GSDMD: variants seen among roughly 807,000 people sequenced by gnomAD.
GSDMD encodes the protein gasdermin-D.
GSDMD carries 46 observed loss-of-function variants against 46.7 expected under a neutral mutation model. The observed-to-expected ratio is 0.99, with a 90% CI of 0.78 to 1.26. The LOEUF (loss-of-function observed/expected upper bound fraction) is 1.26, where lower values mean the gene tolerates loss of function less well. Ranked by LOEUF, GSDMD falls within the 50% of genes most tolerant of loss-of-function variation. GSDMD has a pLI of 0.00. For synonymous variants in GSDMD, 307 were observed against 283.1 expected (o/e 1.08, Z -0.85); for missense variants, 649 against 638.8 (o/e 1.02, Z -0.17).
upstream of GSDMD, chr8:143,558,218 A>G (rs889327971): frequency 1.7e-6 from 2 of 1,153,352 alleles, no homozygotes; most frequent in African/African-American, 3.3e-5. Context: ...CGCCAAGCCA[A>G]GGTTCCTCCG....
rs1160600857 is a variant in GSDMD at position 143,561,533 on chromosome 8, C to A, written c.736+110C>A. The A allele has an allele frequency of 4.3e-6, 5 of 1,174,092 alleles. No homozygotes were observed. In the African/African-American group the frequency reaches 7.6e-5, roughly 18 times the overall value. The allele number at this position is 1,174,092 out of a possible 1,614,324, so 72.7% of individuals were successfully genotyped here. A position where few individuals can be genotyped will look rare whatever the true frequency, so the allele number is the denominator to read the frequency against. On this transcript the variant is annotated intron_variant, in intron 6 of 10. Transcript: ENST00000262580. ...AGGGCACAGGGAGGCCGGGCAGCCC[C>A]CTGAGGCGGTGGGCACCCCCCATAC...
At chr8:143,560,510 G>A in intron 3 of GSDMD, 93 bp from the exon 4 acceptor site, 1 of 1,385,580 alleles carries the variant, frequency 7.2e-7, no homozygotes. Context: ...GGGCCCCTCT[G>A]CACCACCTCC....
At chr8:143,558,761 G>A (rs1332114226) in intron 1 of GSDMD, 4 of 612,270 alleles carry the variant, frequency 6.5e-6, no homozygotes, top group Non-Finnish European at 1.2e-5. Context: ...GCACTCAGAG[G>A]CTTCCTGGGG....
intron 6 of GSDMD, 145 bp downstream of exon 6, chr8:143,561,568 G>T: frequency 1.1e-6 from 1 of 932,928 alleles, no homozygotes; most frequent in Non-Finnish European, 1.6e-6. Flanking sequence ...CACACACAAG[G>T]GGCAACACAG....
At chr8:143,561,243 T>C (rs1333187757) in intron 5 of GSDMD, 127 bp from the exon 6 acceptor site, 4 of 1,196,462 alleles carry the variant, frequency 3.3e-6, no homozygotes, top group Non-Finnish European at 4.8e-6. Context: ...GCTGAGGTCC[T>C]GTGCTCTGGT....
intron 8 of GSDMD, 29 bp from the exon 9 acceptor site, chr8:143,562,180 A>C: frequency 6.3e-7 from 1 of 1,593,628 alleles, no homozygotes; most frequent in Non-Finnish European, 8.5e-7. Flanking sequence ...CCAGCCAGCC[A>C]GACTCACCTG....
upstream of GSDMD, among the ~76,000 whole-genome samples, chr8:143,556,241 G>A (rs1008183796): frequency 6.6e-6 from 1 of 152,108 alleles, no homozygotes; most frequent in Non-Finnish European, 1.5e-5. Context: ...TTAGCCGGGT[G>A]TGGTGGTACA....
At chr8:143,559,278 A>ACGGGGGGCC in intron 1 of GSDMD, 54 bp from the exon 2 acceptor site, 1 of 541,338 alleles carries the variant, frequency 1.8e-6, no homozygotes. Flanking sequence ...CCCTTCTCCC[A>ACGGGGGGCC]CTCCCTCCCG....
At chr8:143,561,618 C>A in intron 6 of GSDMD, 124 bp from the exon 7 acceptor site, 2 of 966,618 alleles carry the variant, frequency 2.1e-6, no homozygotes, top group Non-Finnish European at 3.1e-6. Context: ...CCTTCCTGCC[C>A]TGGGCTGCCA....
chr8:143,561,499 C>T (rs774784562), intron 6 of GSDMD, 76 bp downstream of exon 6: 50 of 1,442,544 alleles, frequency 3.5e-5, no homozygotes, highest in Non-Finnish European at 4.5e-5. Flanking sequence ...GCCTTCTCCT[C>T]ATGTTCTCAG....
Position 143,561,356 on chromosome 8 carries a change from C to T in GSDMD, c.683-14C>T, listed in dbSNP as rs199855694. The T allele has an allele frequency of 2.5e-4, 393 of 1,598,750 alleles. 3 individuals are homozygous for T. The African/African-American group carries it at 4.3e-3, about 17-fold the overall frequency. ...TGACATGCCTGTCCCTGTCTGCTCC[C>T]GTCTGGCTGCCAGACGTCCTTCTCT... On this transcript the variant is annotated splice_polypyrimidine_tract_variant and intron_variant, in intron 5 of 10. Coordinates refer to ENST00000262580, the MANE Select transcript of GSDMD (RefSeq NM_024736.7).
At chr8:143,556,389 C>T (rs940137328), upstream of GSDMD, among the ~76,000 whole-genome samples, 11 of 152,090 alleles carry the variant, frequency 7.2e-5, no homozygotes, top group Non-Finnish European at 1.0e-4. Context: ...AAAACAAAAA[C>T]GAAAACTTTG....
intron 6 of GSDMD, 39 bp from the exon 7 acceptor site, chr8:143,561,703 C>G: frequency 6.6e-7 from 1 of 1,521,594 alleles, no homozygotes; most frequent in South Asian, 1.2e-5. Context: ...CACCCTTCCC[C>G]GGCACTGACC....
rs760915140 is a variant in GSDMD, at chr8:143,562,720, C to A, written c.1271C>A (p.Pro424His). 28 of 1,592,646 alleles carry A rather than the reference C, an allele frequency of 1.8e-5. No homozygotes were observed. In the East Asian group the frequency reaches 6.2e-4, roughly 35 times the overall value. Residue 424 changes from proline to histidine, a missense_variant, in exon 11 of 11, where the codon CCC (proline) becomes CAC (histidine). Transcript: ENST00000262580. ...CAGGAGCGCAGCACCATGTCCCTGCCCCCCGGGCTCCTGGGGAACAGCTGG... is the reference window on the plus strand; with the variant it reads ...CAGGAGCGCAGCACCATGTCCCTGCACCCCGGGCTCCTGGGGAACAGCTGG... ...PWQERSTMSLPPGLLGNSWGE... is the reference protein window; with the variant it reads ...PWQERSTMSLHPGLLGNSWGE...
chr8:143,557,454 C>CCGCTTTGGCGAAGGATGCTGT (rs1823333735), upstream of GSDMD, among the ~76,000 whole-genome samples: 1 of 145,950 alleles, frequency 6.9e-6, no homozygotes, highest in African/African-American at 2.8e-5. Flanking sequence ...ACGGATGCTG[C>CCGCTTTGGCGAAGGATGCTGT]CGCTATGATG....
chr8:143,562,038 G>A lies in GSDMD; in HGVS notation c.903G>A (p.Leu301=). ...AGGTGGAGACCATCTCCAAGGAACT[G>A]GAGCTTTTGGACAGAGAGCTGTGCC... is the stretch of plus-strand genomic sequence containing the variant. ...RAEVETISKE[L]ELLDRELCQL... is the part of the protein sequence containing the mutation. Residue 301 remains leucine (L), a synonymous_variant, in exon 8 of 11, where the codon CTG becomes CTA. Transcript: ENST00000262580. 1.2e-6 allele frequency: 2 copies of A among 1,600,152 alleles called. No homozygotes were observed. The highest frequency in any genetic ancestry group is 1.7e-6 in the Non-Finnish European group (2 of 1,177,616).
chr8:143,555,230 G>C (rs919933241), upstream of GSDMD: 2 of 152,332 alleles, frequency 1.3e-5, no homozygotes, highest in East Asian at 3.8e-4. Context: ...GAATGAGTGA[G>C]TGTGAGAGCC....
In GSDMD at chr8:143,560,657, C is replaced by A; in HGVS notation, c.465C>A (p.Asp155Glu). Residue 155 changes from aspartate (D) to glutamate (E), a missense_variant, in exon 4 of 11, where the codon GAC becomes GAA. Physicochemically the swap from Asp to Glu is conservative, Grantham distance 45 (BLOSUM62 2). Coordinates refer to ENST00000262580, the MANE Select transcript of GSDMD (RefSeq NM_024736.7). ...KVLQQLRSRG[D>E]NVYVVTEVLQ... ...TGCAGCAGCTGCGCAGCCGCGGGGA[C>A]AACGTGTACGTGGTGACTGAGGTGC... 6.3e-7 allele frequency: 1 copy of A among 1,590,120 alleles called. No homozygotes were observed.
At position 143,559,409 on chromosome 8, in the gene GSDMD, T is replaced by A. The variant is rs1054080654; in HGVS notation, c.74T>A (p.Val25Glu). ...ELDHGGEFIP[V>E]TSLQSSTGFQ... ...GACCATGGTGGGGAGTTCATCCCTG[T>A]GACCAGCCTGCAGAGCTCCACTGGC... The change falls in exon 2 of 11, where the codon GTG (valine) becomes GAG (glutamate). Residue 25 changes from valine (V) to glutamate (E), a missense_variant. Val to Glu is a moderately radical substitution (Grantham distance 121). Transcript: ENST00000262580. The A allele has an allele frequency of 6.2e-7, 1 of 1,612,950 alleles. No homozygotes were observed. The highest frequency in any genetic ancestry group is 8.5e-7 in the Non-Finnish European group (1 of 1,180,000).
Sources: allele counts gnomAD v4.1 joint callset (sites outside exome capture counted in the v4.1 genomes callset), GRCh38; gene constraint gnomAD v4.1.1; transcripts MANE v1.5; gene names NCBI Gene and HGNC (gene_info 2026-07-23, HGNC 2026-07-21).